Variants in MALRD1 observed in about 807,000 individuals in gnomAD.
MALRD1 encodes MAM and LDL receptor class A domain containing 1.
MALRD1 carries 247 observed loss-of-function variants against 242.1 expected under a neutral mutation model. The ratio of observed to expected loss-of-function variants is 1.02; its 90% CI spans 0.92 to 1.13. The LOEUF (loss-of-function observed/expected upper bound fraction) is 1.13. Ranked by LOEUF, MALRD1 falls within the 50% of genes most tolerant of loss-of-function variation. MALRD1 has a pLI of 0.00. For synonymous variants in MALRD1, 995 were observed against 866.6 expected (o/e 1.15, Z -2.60); for missense variants, 2,989 against 2,533.1 (o/e 1.18, Z -3.86).
chr10:19,193,101 A>C lies in MALRD1; in HGVS notation c.1952-10627A>C, dbSNP rs534372679. Among the ~76,000 whole-genome samples, 18 of 152,320 alleles carry C rather than the reference A, an allele frequency of 1.2e-4. 1 individual carries two copies. The East Asian group carries it at 3.1e-3, about 26-fold the overall frequency. On this transcript the variant is annotated intron_variant, in intron 14 of 39. Transcript: ENST00000454679. ...TTGAAATTTATTAGACAGATTTTTC[A>C]AATATTTCTTCAGTTCCTGGAAATA...
At chr10:19,117,442 C>G (rs1323513868) in intron 5 of MALRD1, among the ~76,000 whole-genome samples, 1 of 149,360 alleles carries the variant, frequency 6.7e-6, no homozygotes, top group Non-Finnish European at 1.5e-5. Flanking sequence ...TATAGTACTT[C>G]TGGGTTTTTT....
chr10:19,467,308 TC>T (rs1836264480), intron 29 of MALRD1, among the ~76,000 whole-genome samples: 1 of 133,054 alleles, frequency 7.5e-6, no homozygotes, highest in Non-Finnish European at 1.6e-5. Context: ...TGAGCCGAGA[TC>T]GCGCCACTGC....
chr10:19,301,989 C>T, intron 21 of MALRD1, among the ~76,000 whole-genome samples: 1 of 151,680 alleles, frequency 6.6e-6, no homozygotes, highest in Non-Finnish European at 1.5e-5. Context: ...GTTATACAAA[C>T]AGCTAAAAGT....
intron 34 of MALRD1, among the ~76,000 whole-genome samples, chr10:19,605,887 A>G (rs972058127): frequency 2.6e-5 from 4 of 152,030 alleles, no homozygotes; most frequent in East Asian, 1.9e-4. Context: ...CCTGAACTCT[A>G]CATTCTCAGT....
At chr10:19,402,819 C>A (rs566383774) in intron 28 of MALRD1, among the ~76,000 whole-genome samples, 1 of 152,012 alleles carries the variant, frequency 6.6e-6, no homozygotes, top group Admixed American at 6.6e-5. Flanking sequence ...TCCATCCTTC[C>A]CCCACCAAAC....
intron 34 of MALRD1, among the ~76,000 whole-genome samples, chr10:19,605,737 A>G (rs547235766): frequency 6.6e-6 from 1 of 152,186 alleles, no homozygotes; most frequent in Admixed American, 6.6e-5. Flanking sequence ...ATAAATGCTT[A>G]TCTACAACAA....
chr10:19,384,431 T>C (rs1265462164), intron 26 of MALRD1, among the ~76,000 whole-genome samples: 2 of 117,674 alleles, frequency 1.7e-5, no homozygotes, highest in African/African-American at 6.7e-5. Flanking sequence ...ATTTACCATA[T>C]ATTATATATT....
intron 38 of MALRD1, among the ~76,000 whole-genome samples, chr10:19,718,528 C>G (rs189580572): frequency 6.6e-6 from 1 of 152,164 alleles, no homozygotes; most frequent in Non-Finnish European, 1.5e-5. Context: ...GGCGCTAAGC[C>G]TTTCCTGGGG....
chr10:19,700,438 A>G (rs983718695), intron 38 of MALRD1, among the ~76,000 whole-genome samples: 1 of 152,238 alleles, frequency 6.6e-6, no homozygotes, highest in African/African-American at 2.4e-5. Context: ...AAAAGTGACC[A>G]TAAATTTATG....
chr10:19,515,793 C>T (rs1056308675), intron 31 of MALRD1, among the ~76,000 whole-genome samples: 2 of 152,076 alleles, frequency 1.3e-5, no homozygotes, highest in South Asian at 4.1e-4. Flanking sequence ...TGGTCTCAAT[C>T]TCTTGACCTC....
At chr10:19,244,354 C>T (rs1199339756) in intron 18 of MALRD1, among the ~76,000 whole-genome samples, 1 of 152,044 alleles carries the variant, frequency 6.6e-6, no homozygotes, top group Non-Finnish European at 1.5e-5. Flanking sequence ...AGGTGGATTG[C>T]TTGAGTCTTG....
chr10:19,241,355 G>C (rs1588762638), intron 18 of MALRD1, among the ~76,000 whole-genome samples: 1 of 152,092 alleles, frequency 6.6e-6, no homozygotes, highest in Non-Finnish European at 1.5e-5. Flanking sequence ...TATCAAATTT[G>C]TTGGCATATA....
chr10:19,281,579 A>T (rs1840812278), intron 20 of MALRD1, among the ~76,000 whole-genome samples: 2 of 152,232 alleles, frequency 1.3e-5, no homozygotes, highest in African/African-American at 4.8e-5. Flanking sequence ...GAATAAACTG[A>T]GATATTGTCT....
intron 29 of MALRD1, among the ~76,000 whole-genome samples, chr10:19,457,983 A>G (rs1033526769): frequency 6.6e-6 from 1 of 152,100 alleles, no homozygotes; most frequent in South Asian, 2.1e-4. Context: ...TACAAATATT[A>G]TTTAACTTGA....
chr10:19,111,260 T>C (rs1267997576), intron 5 of MALRD1, among the ~76,000 whole-genome samples: 2 of 152,166 alleles, frequency 1.3e-5, no homozygotes, highest in East Asian at 1.9e-4. Context: ...TTCAGAAAGA[T>C]GAATATTCAA....
chr10:19,572,533 C>G (rs1453032442), intron 33 of MALRD1, among the ~76,000 whole-genome samples: 1 of 152,016 alleles, frequency 6.6e-6, no homozygotes, highest in African/African-American at 2.4e-5. Flanking sequence ...GGAGATTGCA[C>G]CATAGCTAGG....
intron 21 of MALRD1, among the ~76,000 whole-genome samples, chr10:19,293,714 T>G (rs987875094): frequency 2.0e-5 from 3 of 152,080 alleles, no homozygotes; most frequent in African/African-American, 7.2e-5. Flanking sequence ...TAAGAACTCT[T>G]GGACGCAAAG....
chr10:19,063,740 G>C (rs184208101), intron 1 of MALRD1, among the ~76,000 whole-genome samples: 13 of 130,816 alleles, frequency 9.9e-5, no homozygotes, highest in Non-Finnish European at 1.4e-4. Context: ...GGGAATTGAA[G>C]AATGAGAACA....
At chr10:19,437,691 T>C (rs532857406) in intron 28 of MALRD1, among the ~76,000 whole-genome samples, 74 of 152,202 alleles carry the variant, frequency 4.9e-4, no homozygotes, top group Middle Eastern at 3.4e-3. Context: ...ACTAATGTTA[T>C]ATACTAATGC....
Sources: gnomAD v4.1 joint callset for allele counts (sites outside exome capture counted in the v4.1 genomes callset) on GRCh38, gnomAD v4.1.1 for gene constraint, MANE v1.5 for transcripts, NCBI Gene and HGNC (gene_info 2026-07-23, HGNC 2026-07-21) for gene names.